BBX: variants seen among roughly 807,000 people sequenced by gnomAD.
BBX encodes BBX high mobility group box domain containing.
In BBX, 30 loss-of-function variants were observed where a neutral mutation model predicts 100.2. The ratio of observed to expected loss-of-function variants is 0.30; its 90% CI spans 0.22 to 0.41. The LOEUF (loss-of-function observed/expected upper bound fraction) is 0.41. BBX is among the 10% of genes least tolerant of loss of function. The probability of loss-of-function intolerance (pLI) is 1.00; values close to 1 mark genes in which losing one functional copy is unlikely to be tolerated. For missense variants in BBX, 1,023 were observed against 1,129.8 expected, an observed-to-expected ratio of 0.91 and a Z score of 1.35; for synonymous variants, 376 against 388.1, an observed-to-expected ratio of 0.97 and a Z score of 0.37.
Position 107,801,155 on chromosome 3 carries a change from A to G in BBX, c.2612A>G (p.Asn871Ser), listed in dbSNP as rs1361432647. The G allele has an allele frequency of 4.3e-6, 7 of 1,614,108 alleles. No individual in the cohort carries two copies. The highest frequency in any genetic ancestry group is 2.2e-5 in the South Asian group (2 of 91,092). Residue 871 changes from asparagine (N) to serine (S), a missense_variant, in exon 17 of 18, where the codon AAT (asparagine) becomes AGT (serine). By Grantham distance (46) the Asn-to-Ser change is conservative. Coordinates refer to ENST00000325805, the MANE Select transcript of BBX (RefSeq NM_001142568.3). ...CCTAAAGCAACTGAGACAGACTGCAATGACAAATGCTCACACAACACCGAG... is the reference window on the plus strand; with the variant it reads ...CCTAAAGCAACTGAGACAGACTGCAGTGACAAATGCTCACACAACACCGAG... ...SLPKATETDCNDKCSHNTEVG... is the reference protein window; with the variant it reads ...SLPKATETDCSDKCSHNTEVG...
chr3:107,763,420 A>G (rs2066082122), intron 10 of BBX, among the ~76,000 whole-genome samples: 1 of 152,166 alleles, frequency 6.6e-6, no homozygotes, highest in Admixed American at 6.5e-5. Flanking sequence ...TTAAAGCAGA[A>G]CAAATTAAAA....
chr3:107,626,175 G>A (rs1028276764), intron 2 of BBX, among the ~76,000 whole-genome samples: 5 of 152,100 alleles, frequency 3.3e-5, no homozygotes, highest in African/African-American at 1.2e-4. Context: ...AACAAGCAAA[G>A]CTAGAAGAAA....
chr3:107,754,253 T>C (rs1408876759), intron 9 of BBX, among the ~76,000 whole-genome samples: 1 of 152,210 alleles, frequency 6.6e-6, no homozygotes, highest in Non-Finnish European at 1.5e-5. Context: ...GTGGTATTAA[T>C]GTGTTTGTTT....
intron 16 of BBX, 49 bp downstream of exon 16, chr3:107,798,769 C>G (rs753981336): frequency 2.6e-6 from 4 of 1,515,298 alleles, no homozygotes; most frequent in Admixed American, 1.7e-5. Context: ...TTTAGCTTCC[C>G]TGGGCCACAC....
At chr3:107,600,498 A>G (rs867546510) in intron 2 of BBX, among the ~76,000 whole-genome samples, 1 of 152,250 alleles carries the variant, frequency 6.6e-6, no homozygotes, top group South Asian at 2.1e-4. Context: ...TTTATTTTAC[A>G]AAACTTGGGA....
At chr3:107,591,812 A>G (rs571808965) in intron 2 of BBX, among the ~76,000 whole-genome samples, 1 of 152,324 alleles carries the variant, frequency 6.6e-6, no homozygotes, top group African/African-American at 2.4e-5. Flanking sequence ...AAACACTTTT[A>G]AAAGAAAGGT....
Position 107,716,724 on chromosome 3 carries a change from C to A in BBX, c.280C>A (p.His94Asn). 1 of 1,613,786 alleles carries A rather than the reference C, an allele frequency of 6.2e-7. No homozygotes were observed. Among genetic ancestry groups the A allele is most frequent in the Admixed American group, 1.7e-5 (1 of 59,960 alleles). ...MNAFLLFCKR[H>N]RSLVRQEHPR... Reference sequence around the variant, plus strand: ...TGCATTTCTTTTATTTTGCAAACGCCATCGCTCTCTTGTACGTCAGGAACA... The same window carrying A: ...TGCATTTCTTTTATTTTGCAAACGCAATCGCTCTCTTGTACGTCAGGAACA... The change falls in exon 5 of 18, where the codon CAT becomes AAT. Residue 94 changes from histidine (H) to asparagine (N), a missense_variant. His to Asn is a moderately conservative substitution (Grantham distance 68). This residue lies in a region of BBX where 229 missense variants were observed against 226.3 expected (regional missense o/e 1.01). Transcript: ENST00000325805.
chr3:107,779,020 TACACACACACACAC>T (rs66512735), intron 13 of BBX, among the ~76,000 whole-genome samples: 2 of 95,810 alleles, frequency 2.1e-5, no homozygotes, highest in African/African-American at 4.1e-5. Context: ...TATATATATA[TACACACACACACAC>T]ACATATACAT....
intron 3 of BBX, among the ~76,000 whole-genome samples, chr3:107,663,907 G>A (rs558608020): frequency 6.6e-6 from 1 of 150,668 alleles, no homozygotes; most frequent in Admixed American, 6.6e-5. Context: ...CCGGGTTCAC[G>A]CCATCCTCCT....
chr3:107,591,216 A>C (rs1250022544), intron 2 of BBX, among the ~76,000 whole-genome samples: 1 of 150,532 alleles, frequency 6.6e-6, no homozygotes, highest in Non-Finnish European at 1.5e-5. Context: ...CTTTTTAAGG[A>C]TTTTTTTTTT....
chr3:107,803,603 C>A (rs1381816853), intron 17 of BBX, among the ~76,000 whole-genome samples: 1 of 152,158 alleles, frequency 6.6e-6, no homozygotes, highest in Non-Finnish European at 1.5e-5. Context: ...GTTAAGAGAC[C>A]AGTTTATTTA....
At chr3:107,525,067 C>T (rs2047656104) in intron 1 of BBX, among the ~76,000 whole-genome samples, 1 of 149,852 alleles carries the variant, frequency 6.7e-6, no homozygotes, top group African/African-American at 2.4e-5. Flanking sequence ...GGGGCCCCCA[C>T]GCGGCCCCCC....
intron 2 of BBX, among the ~76,000 whole-genome samples, chr3:107,611,128 C>T (rs1178293051): frequency 1.1e-4 from 16 of 152,094 alleles, no homozygotes. Flanking sequence ...CTATTAAAAA[C>T]TGTATGCTTT....
chr3:107,801,402 T>G (rs767872928), intron 17 of BBX, 121 bp downstream of exon 17: 4 of 1,008,674 alleles, frequency 4.0e-6, no homozygotes, highest in South Asian at 3.4e-5. Flanking sequence ...CACTATTGGT[T>G]ATATGAGGTA....
At chr3:107,784,775 A>G (rs1395457057) in intron 13 of BBX, among the ~76,000 whole-genome samples, 1 of 151,918 alleles carries the variant, frequency 6.6e-6, no homozygotes, top group East Asian at 1.9e-4. Context: ...ACCAAACTCA[A>G]AGGAAGCAGA....
intron 2 of BBX, among the ~76,000 whole-genome samples, chr3:107,552,242 G>T (rs78150194): frequency 0.015 from 2,325 of 151,326 alleles, 65 homozygotes; most frequent in African/African-American, 0.054. Context: ...TACCTGGGAG[G>T]CTGAGGTAGG....
intron 2 of BBX, among the ~76,000 whole-genome samples, chr3:107,603,146 A>G (rs1387553452): frequency 4.6e-5 from 7 of 150,786 alleles, no homozygotes; most frequent in Non-Finnish European, 3.0e-5. Context: ...TTTTGTTTTT[A>G]GTAGAGACGG....
At chr3:107,781,506 G>C (rs1363192454) in intron 13 of BBX, among the ~76,000 whole-genome samples, 2 of 151,952 alleles carry the variant, frequency 1.3e-5, no homozygotes, top group African/African-American at 4.8e-5. Context: ...TCATCTCTCT[G>C]TTATTTTGAA....
rs546442122 is a variant in BBX, at chr3:107,582,523, A to G, written c.-84+56125A>G. Among the ~76,000 whole-genome samples, 20 of 152,196 alleles carry G rather than the reference A, an allele frequency of 1.3e-4. 1 individual carries two copies. The highest frequency in any genetic ancestry group is 4.6e-4 in the African/African-American group (19 of 41,546). On this transcript the variant is annotated intron_variant, in intron 2 of 17. Coordinates refer to ENST00000325805, the MANE Select transcript of BBX (RefSeq NM_001142568.3). ...AATTTTAAGACAGTTCCCAGGGACAAATTTCAACAAAGGAGGGTACGTTCT... is the reference window on the plus strand; with the variant it reads ...AATTTTAAGACAGTTCCCAGGGACAGATTTCAACAAAGGAGGGTACGTTCT...
Sources: gnomAD v4.1 joint callset for allele counts (sites outside exome capture counted in the v4.1 genomes callset) on GRCh38, gnomAD v4.1.1 for gene constraint, gnomAD v4.1.1 regional missense constraint, MANE v1.5 for transcripts, NCBI Gene and HGNC (gene_info 2026-07-23, HGNC 2026-07-21) for gene names.